The following SLC4A8 variants were observed in gnomAD, a reference collection of about 807,000 sequenced individuals.
The protein encoded by SLC4A8 is electroneutral sodium bicarbonate exchanger 1.
SLC4A8 carries 40 observed loss-of-function variants against 125.0 expected under a neutral mutation model. The ratio of observed to expected loss-of-function variants is 0.32; its 90% CI spans 0.25 to 0.42. The LOEUF is 0.42. Ranked by LOEUF, SLC4A8 falls within the 10% of genes least tolerant of loss-of-function variation. The probability of loss-of-function intolerance (pLI) is 1.00; values close to 1 mark genes in which losing one functional copy is unlikely to be tolerated. For missense variants in SLC4A8, 863 were observed against 1,355.1 expected, an observed-to-expected ratio of 0.64 and a Z score of 5.70; for synonymous variants, 456 against 476.0, an observed-to-expected ratio of 0.96 and a Z score of 0.55.
At chr12:51,487,996 ATTATATT>A (rs1428579279) in intron 17 of SLC4A8, among the ~76,000 whole-genome samples, 3 of 152,222 alleles carry the variant, frequency 2.0e-5, no homozygotes, top group African/African-American at 7.2e-5. Flanking sequence ...ACAGTTGTTA[ATTATATT>A]TTACTTGGGT....
chr12:51,468,882 C>A (rs1950607747), intron 11 of SLC4A8, among the ~76,000 whole-genome samples: 1 of 152,236 alleles, frequency 6.6e-6, no homozygotes, highest in African/African-American at 2.4e-5. Flanking sequence ...CTCTCAGCAC[C>A]TTGATCCACC....
intron 1 of SLC4A8, among the ~76,000 whole-genome samples, chr12:51,413,909 T>C (rs1232586626): frequency 6.6e-6 from 1 of 152,238 alleles, no homozygotes; most frequent in East Asian, 1.9e-4. Context: ...TTTGGGATCT[T>C]TTTTGGTTTC....
intron 1 of SLC4A8, among the ~76,000 whole-genome samples, chr12:51,433,205 A>G (rs1007988125): frequency 6.6e-6 from 1 of 152,200 alleles, no homozygotes. Context: ...AAGGCTCATG[A>G]CAATGCTTTC....
At position 51,482,917 on chromosome 12, in the gene SLC4A8, A is replaced by G. The variant is rs578249490; in HGVS notation, c.2173-2870A>G. Among the ~76,000 whole-genome samples, 3 of 152,262 alleles carry G rather than the reference A, an allele frequency of 2.0e-5. No homozygotes were observed. The East Asian group carries it at 5.8e-4, about 29-fold the overall frequency. On this transcript the variant is annotated intron_variant, in intron 16 of 24. Coordinates refer to ENST00000453097, the MANE Select transcript of SLC4A8 (RefSeq NM_001039960.3). ...GACCCCAAGTAAAAAACAAAAGCAAATGAGCCCCAAACTGTCTTCCCTCAG... is the reference window on the plus strand; with the variant it reads ...GACCCCAAGTAAAAAACAAAAGCAAGTGAGCCCCAAACTGTCTTCCCTCAG...
intron 1 of SLC4A8, among the ~76,000 whole-genome samples, chr12:51,393,820 A>G (rs1271886685): frequency 6.6e-6 from 1 of 152,072 alleles, no homozygotes; most frequent in African/African-American, 2.4e-5. Flanking sequence ...CTTTCTACAG[A>G]GCTTCCTTGA....
intron 18 of SLC4A8, 81 bp downstream of exon 18, chr12:51,488,941 C>A: frequency 1.9e-6 from 2 of 1,067,626 alleles, no homozygotes; most frequent in South Asian, 3.1e-5. Flanking sequence ...CACATCTAGA[C>A]CAGAAATTGT....
At chr12:51,466,840 A>G (rs1448609989) in intron 11 of SLC4A8, among the ~76,000 whole-genome samples, 2 of 152,140 alleles carry the variant, frequency 1.3e-5, no homozygotes, top group African/African-American at 4.8e-5. Context: ...GCTTCTTAGA[A>G]ATCCATTTCA....
At chr12:51,503,885 T>C (rs1330154875) in intron 22 of SLC4A8, 144 bp from the exon 23 acceptor site, 2 of 557,704 alleles carry the variant, frequency 3.6e-6, no homozygotes, top group Non-Finnish European at 6.3e-6. Context: ...CATTTTGTGG[T>C]AACTCAAGTC....
intron 1 of SLC4A8, among the ~76,000 whole-genome samples, chr12:51,393,233 G>A (rs1208977117): frequency 1.3e-5 from 2 of 152,048 alleles, no homozygotes; most frequent in Non-Finnish European, 2.9e-5. Context: ...TCCTGCTTCA[G>A]CCTCCACAGA....
chr12:51,397,960 C>T (rs563655000), intron 1 of SLC4A8, among the ~76,000 whole-genome samples: 5 of 152,082 alleles, frequency 3.3e-5, no homozygotes, highest in South Asian at 4.2e-4. Flanking sequence ...CCCAGCTACT[C>T]GGGAGGAGGC....
At chr12:51,479,561 A>G (rs1950957857) in intron 16 of SLC4A8, among the ~76,000 whole-genome samples, 1 of 151,694 alleles carries the variant, frequency 6.6e-6, no homozygotes, top group Non-Finnish European at 1.5e-5. Context: ...GTGGTGCATG[A>G]CTGTAATCCC....
intron 2 of SLC4A8, among the ~76,000 whole-genome samples, chr12:51,446,931 A>G (rs920454331): frequency 3.9e-5 from 6 of 152,250 alleles, no homozygotes; most frequent in Non-Finnish European, 8.8e-5. Context: ...AGATTGCAAG[A>G]GAAGAGTGCA....
At chr12:51,447,951 C>T (rs1447131389) in intron 2 of SLC4A8, among the ~76,000 whole-genome samples, 1 of 151,640 alleles carries the variant, frequency 6.6e-6, no homozygotes, top group African/African-American at 2.4e-5. Flanking sequence ...GATCTCCTGA[C>T]CTTGTGATCC....
At chr12:51,469,964 A>G (rs1304154320) in intron 12 of SLC4A8, among the ~76,000 whole-genome samples, 176 bp downstream of exon 12, 1 of 152,156 alleles carries the variant, frequency 6.6e-6, no homozygotes, top group Non-Finnish European at 1.5e-5. Flanking sequence ...CTCTCTTTAG[A>G]ACAGACTCTT....
intron 22 of SLC4A8, among the ~76,000 whole-genome samples, chr12:51,499,458 C>T (rs1937744622): frequency 6.6e-6 from 1 of 152,078 alleles, no homozygotes; most frequent in African/African-American, 2.4e-5. Flanking sequence ...TTTCTTCCTC[C>T]ATATTTATTG....
At chr12:51,477,394 A>G (rs973541063) in intron 16 of SLC4A8, among the ~76,000 whole-genome samples, 3 of 152,200 alleles carry the variant, frequency 2.0e-5, no homozygotes, top group Non-Finnish European at 4.4e-5. Context: ...ACTCAGGAAC[A>G]GTTTAAAATA....
At chr12:51,498,621 C>G (rs1446927062) in intron 22 of SLC4A8, among the ~76,000 whole-genome samples, 1 of 149,808 alleles carries the variant, frequency 6.7e-6, no homozygotes, top group Admixed American at 6.7e-5. Flanking sequence ...TGGCTCATGC[C>G]TATAATCCCA....
At chr12:51,421,293 G>C (rs190018225), upstream of SLC4A8, among the ~76,000 whole-genome samples, 3 of 152,320 alleles carry the variant, frequency 2.0e-5, no homozygotes, top group Admixed American at 6.5e-5. Context: ...TAGATGTTAG[G>C]AGCCTCGTGC....
At position 51,489,960 on chromosome 12, in the gene SLC4A8, C is replaced by A; in HGVS notation, c.2700+9C>A. The A allele has an allele frequency of 2.5e-6, 4 of 1,612,944 alleles. No individual in the cohort carries two copies. Among genetic ancestry groups the A allele is most frequent in the Non-Finnish European group, 1.7e-6 (2 of 1,179,024 alleles). ...TGACGGCTATCTTAAAGGTAATCAT[C>A]CTTTCAGTCATTCAGCAAATATCAA... On this transcript the variant is annotated intron_variant, in intron 19 of 24. Coordinates refer to ENST00000453097, the MANE Select transcript of SLC4A8 (RefSeq NM_001039960.3).
Sources: gnomAD v4.1 joint callset for allele counts (sites outside exome capture counted in the v4.1 genomes callset) on GRCh38, gnomAD v4.1.1 for gene constraint, MANE v1.5 for transcripts, NCBI Gene and HGNC (gene_info 2026-07-23, HGNC 2026-07-21) for gene names.